C1orf146: variants seen among roughly 807,000 people sequenced by gnomAD.
C1orf146 encodes protein SPO16 homolog.
A neutral mutation model predicts 23.0 loss-of-function variants in C1orf146; 22 were observed. The observed-to-expected ratio is 0.96, with a 90% CI of 0.68 to 1.36. The LOEUF is 1.36. Ranked by LOEUF, C1orf146 falls within the 40% of genes most tolerant of loss-of-function variation. The pLI is 0.00. For missense variants in C1orf146, 199 were observed against 206.8 expected (o/e 0.96, Z 0.23); for synonymous variants, 59 against 65.3 (o/e 0.90, Z 0.47).
intron 2 of C1orf146, among the ~76,000 whole-genome samples, chr1:92,236,247 C>T (rs1415046056): frequency 5.9e-5 from 9 of 151,736 alleles, no homozygotes; most frequent in African/African-American, 1.7e-4. Flanking sequence ...CGGCTGGTAC[C>T]GGTTGTTCCT....
chr1:92,239,470 G>T (rs888408408), intron 2 of C1orf146, among the ~76,000 whole-genome samples: 2 of 152,148 alleles, frequency 1.3e-5, no homozygotes, highest in African/African-American at 4.8e-5. Context: ...TGAATTTCCA[G>T]CTAGGTGCAG....
intron 2 of C1orf146, among the ~76,000 whole-genome samples, chr1:92,234,458 G>A (rs373653842): frequency 5.3e-5 from 8 of 150,926 alleles, no homozygotes; most frequent in Middle Eastern, 3.4e-3. Flanking sequence ...CCAGGGATGA[G>A]GCCCACTTGA....
chr1:92,244,543 G>A (rs568323805), intron 4 of C1orf146, among the ~76,000 whole-genome samples, 158 bp downstream of exon 4: 9 of 152,146 alleles, frequency 5.9e-5, no homozygotes, highest in East Asian at 3.9e-4. Flanking sequence ...TCTATGAATC[G>A]AGGTGACAGG....
chr1:92,241,484 C>G (rs1159256800), intron 2 of C1orf146, among the ~76,000 whole-genome samples: 1 of 151,912 alleles, frequency 6.6e-6, no homozygotes, highest in African/African-American at 2.4e-5. Context: ...CCACCATGCC[C>G]AGCCTCCAAG....
intron 3 of C1orf146, among the ~76,000 whole-genome samples, chr1:92,243,939 A>G (rs983868310): frequency 1.3e-5 from 2 of 151,984 alleles, no homozygotes; most frequent in African/African-American, 4.8e-5. Flanking sequence ...CTTCATGTGG[A>G]CAATGTCTTC....
chr1:92,230,842 A>G (rs919271334), intron 1 of C1orf146, among the ~76,000 whole-genome samples: 1 of 152,090 alleles, frequency 6.6e-6, no homozygotes, highest in Non-Finnish European at 1.5e-5. Context: ...TTCCCTCCAT[A>G]GTAGAAGACA....
intron 1 of C1orf146, among the ~76,000 whole-genome samples, chr1:92,222,092 TCAGC>T (rs1406579143): frequency 1.3e-5 from 2 of 151,860 alleles, no homozygotes; most frequent in Non-Finnish European, 2.9e-5. Flanking sequence ...ACAAAAAAAA[TCAGC>T]CAGGCGTGGT....
At chr1:92,231,788 A>G (rs1441405343) in intron 2 of C1orf146, among the ~76,000 whole-genome samples, 6 of 151,946 alleles carry the variant, frequency 3.9e-5, no homozygotes, top group African/African-American at 9.7e-5. Context: ...ATGCAAATAT[A>G]TATTAGTTAA....
intron 2 of C1orf146, among the ~76,000 whole-genome samples, chr1:92,237,257 A>G (rs1327360707): frequency 1.3e-5 from 2 of 151,720 alleles, no homozygotes; most frequent in Non-Finnish European, 2.9e-5. Flanking sequence ...TTGGTCTTTG[A>G]TGATGGTGAT....
intron 1 of C1orf146, among the ~76,000 whole-genome samples, chr1:92,224,605 A>G (rs780038140): frequency 2.6e-5 from 4 of 152,214 alleles, no homozygotes; most frequent in Non-Finnish European, 5.9e-5. Flanking sequence ...TTGTTCCAAC[A>G]CCGTTTATCG....
intron 1 of C1orf146, 61 bp from the exon 2 acceptor site, chr1:92,231,321 T>A (rs141115147): frequency 3.9e-6 from 3 of 771,378 alleles, no homozygotes; most frequent in Non-Finnish European, 6.4e-6. Context: ...TTTATTTCCA[T>A]CTTTAATTTA....
intron 1 of C1orf146, among the ~76,000 whole-genome samples, chr1:92,231,058 T>C (rs895734863): frequency 1.3e-5 from 2 of 152,208 alleles, no homozygotes; most frequent in African/African-American, 4.8e-5. Context: ...GTCTGTCTTT[T>C]ATCTGTATAA....
Position 92,217,998 on chromosome 1 carries a change from G to A in C1orf146, c.-90G>A, listed in dbSNP as rs1651717497. On this transcript the variant is annotated 5_prime_UTR_variant, in exon 1 of 6. Transcript: ENST00000370375. ...CGGCGCCTCTCACTGCTCACGGAAC[G>A]TTCTGGAAGTTTGGGAAACCCTGAG... 2 of 152,290 alleles carry A rather than the reference G, an allele frequency of 1.3e-5. No homozygotes were observed. The highest frequency in any genetic ancestry group is 4.8e-5 in the African/African-American group (2 of 41,466). The allele number at this position is 152,290 out of a possible 1,614,324, so 9.4% of individuals were successfully genotyped here.
At chr1:92,230,647 G>A (rs1652097610) in intron 1 of C1orf146, among the ~76,000 whole-genome samples, 1 of 151,884 alleles carries the variant, frequency 6.6e-6, no homozygotes, top group African/African-American at 2.4e-5. Flanking sequence ...AGGCATGGTG[G>A]TGCATACCTG....
At chr1:92,233,037 A>C (rs1652172801) in intron 2 of C1orf146, among the ~76,000 whole-genome samples, 1 of 151,668 alleles carries the variant, frequency 6.6e-6, no homozygotes, top group African/African-American at 2.4e-5. Context: ...AGGTTGTGAA[A>C]ATTTTCTCCC....
chr1:92,220,026 G>A (rs1208452148), intron 1 of C1orf146, among the ~76,000 whole-genome samples: 1 of 152,054 alleles, frequency 6.6e-6, no homozygotes, highest in African/African-American at 2.4e-5. Context: ...TCTTTCAGTT[G>A]GTTCCTGTGC....
At chr1:92,226,401 A>G (rs1043919473) in intron 1 of C1orf146, among the ~76,000 whole-genome samples, 5 of 144,574 alleles carry the variant, frequency 3.5e-5, no homozygotes, top group Admixed American at 6.8e-5. Flanking sequence ...GCACGCATGC[A>G]CACACACACA....
At chr1:92,224,286 G>A (rs1651911320) in intron 1 of C1orf146, among the ~76,000 whole-genome samples, 1 of 151,784 alleles carries the variant, frequency 6.6e-6, no homozygotes, top group Non-Finnish European at 1.5e-5. Flanking sequence ...CTGACCTCAT[G>A]ATCTGCTCGC....
intron 1 of C1orf146, among the ~76,000 whole-genome samples, chr1:92,221,489 G>T (rs970405896): frequency 2.0e-5 from 3 of 152,064 alleles, no homozygotes; most frequent in African/African-American, 7.2e-5. Flanking sequence ...TAAAATAAAA[G>T]TTGAAATTTA....
Sources: allele counts gnomAD v4.1 joint callset (sites outside exome capture counted in the v4.1 genomes callset), GRCh38; gene constraint gnomAD v4.1.1; transcripts MANE v1.5; gene names NCBI Gene and HGNC (gene_info 2026-07-23, HGNC 2026-07-21).